CNBD1: variants seen among roughly 807,000 people sequenced by gnomAD.
CNBD1 encodes cyclic nucleotide binding domain containing 1.
A neutral mutation model predicts 54.4 loss-of-function variants in CNBD1; 71 were observed. The ratio of observed to expected loss-of-function variants is 1.30; its 90% CI spans 1.08 to 1.59. The LOEUF (loss-of-function observed/expected upper bound fraction) is 1.59. Ranked by LOEUF, CNBD1 falls within the 40% of genes most tolerant of loss-of-function variation. The probability of loss-of-function intolerance (pLI) is 0.00; values close to 1 mark genes in which losing one functional copy is unlikely to be tolerated. For synonymous variants in CNBD1, 182 were observed against 170.7 expected (o/e 1.07, Z -0.51); for missense variants, 659 against 518.0 (o/e 1.27, Z -2.64).
intron 2 of CNBD1, among the ~76,000 whole-genome samples, chr8:86,904,851 T>A (rs1284731797): frequency 6.6e-6 from 1 of 152,130 alleles, no homozygotes; most frequent in Non-Finnish European, 1.5e-5. Flanking sequence ...AAAATTAAAT[T>A]TTTGACATTG....
chr8:87,351,929 G>A (rs1156875815), intron 9 of CNBD1, 135 bp downstream of exon 9: 2 of 937,532 alleles, frequency 2.1e-6, no homozygotes, highest in South Asian at 3.0e-5. Flanking sequence ...TGAAATTTTT[G>A]TGTTTGTTTT....
chr8:87,361,755 A>C (rs1452373818), intron 10 of CNBD1, among the ~76,000 whole-genome samples: 2 of 151,110 alleles, frequency 1.3e-5, no homozygotes, highest in African/African-American at 2.4e-5. Context: ...GTCATCCCCC[A>C]AGAAACTACT....
chr8:87,301,237 C>A (rs1585994321), intron 8 of CNBD1, among the ~76,000 whole-genome samples: 2 of 152,150 alleles, frequency 1.3e-5, no homozygotes, highest in East Asian at 1.9e-4. Context: ...AGTCCAGGAC[C>A]AGATGGATTC....
At position 87,362,589 on chromosome 8, in the gene CNBD1, A is replaced by G. The variant is rs377353627; in HGVS notation, c.1303+8803A>G. On this transcript the variant is annotated intron_variant, in intron 10 of 10. Transcript: ENST00000518476. ...ACATTTGTGCCAAGCCAATAAAGTT[A>G]CATTCTACCAAAGATGGCCATTAAG... Among the ~76,000 whole-genome samples the G allele has an allele frequency of 9.9e-5, 15 of 152,190 alleles. No individual in the cohort carries two copies. The South Asian group carries it at 1.5e-3, about 15-fold the overall frequency.
chr8:87,084,009 A>G (rs894729306), intron 4 of CNBD1, among the ~76,000 whole-genome samples: 1 of 152,192 alleles, frequency 6.6e-6, no homozygotes, highest in Non-Finnish European at 1.5e-5. Flanking sequence ...GGGCTATGTC[A>G]TGGCCCATGG....
rs762295425 is a variant in CNBD1 at position 87,228,460 on chromosome 8, C to G, written c.578-8459C>G. Among the ~76,000 whole-genome samples the G allele has an allele frequency of 6.9e-3, 1,020 of 147,362 alleles. 8 individuals are homozygous for G. The highest frequency in any genetic ancestry group is 6.9e-3 in the Non-Finnish European group (468 of 67,862). On this transcript the variant is annotated intron_variant, in intron 5 of 10. Coordinates refer to ENST00000518476, the MANE Select transcript of CNBD1 (RefSeq NM_173538.3). ...CTGTTTGTTAGTTTTCCTTCTAACA[C>G]ACAGGACCCTCAGCTGCAGGTCTGT...
intron 4 of CNBD1, among the ~76,000 whole-genome samples, chr8:87,153,719 G>A (rs113501207): frequency 3.9e-5 from 6 of 152,326 alleles, no homozygotes; most frequent in African/African-American, 1.4e-4. Flanking sequence ...GTGCAATGGA[G>A]ATACATGAGT....
chr8:87,101,499 G>A (rs1166323693), intron 4 of CNBD1, among the ~76,000 whole-genome samples: 1 of 151,858 alleles, frequency 6.6e-6, no homozygotes, highest in East Asian at 1.9e-4. Flanking sequence ...GAAAATACAT[G>A]AAGAAAAACT....
At chr8:87,273,363 C>T (rs1808407347) in intron 6 of CNBD1, among the ~76,000 whole-genome samples, 1 of 145,994 alleles carries the variant, frequency 6.8e-6, no homozygotes, top group Non-Finnish European at 1.5e-5. Flanking sequence ...AAGAAACGTT[C>T]TGCCTCTTTA....
intron 8 of CNBD1, among the ~76,000 whole-genome samples, chr8:87,322,404 GT>G (rs1563551751): frequency 8.4e-6 from 1 of 119,558 alleles, no homozygotes; most frequent in African/African-American, 3.2e-5. Flanking sequence ...GGTTGAACTA[GT>G]TTACAGTCCC....
downstream of CNBD1, among the ~76,000 whole-genome samples, chr8:87,386,920 T>A (rs1473954022): frequency 6.6e-6 from 1 of 152,118 alleles, no homozygotes; most frequent in African/African-American, 2.4e-5. Context: ...CAGCAGAAAC[T>A]CTGCAAGCCA....
intron 8 of CNBD1, among the ~76,000 whole-genome samples, chr8:87,326,107 T>C (rs1251128371): frequency 1.5e-5 from 2 of 132,880 alleles, no homozygotes; most frequent in Non-Finnish European, 3.3e-5. Context: ...AAAATTCTTT[T>C]CTTTAAGAAT....
chr8:87,370,614 A>C (rs1488332925), intron 10 of CNBD1, among the ~76,000 whole-genome samples: 1 of 151,872 alleles, frequency 6.6e-6, no homozygotes, highest in African/African-American at 2.4e-5. Flanking sequence ...TTCATTGTAG[A>C]TTCTGGATAT....
At chr8:87,177,242 G>C (rs934756969) in intron 4 of CNBD1, among the ~76,000 whole-genome samples, 5 of 152,134 alleles carry the variant, frequency 3.3e-5, no homozygotes, top group African/African-American at 1.2e-4. Context: ...AATGTAAAAG[G>C]CAACCTTTAG....
At chr8:87,407,638 C>T (rs1436379743) in intron 2 of CNBD1, among the ~76,000 whole-genome samples, 1 of 152,022 alleles carries the variant, frequency 6.6e-6, no homozygotes, top group Non-Finnish European at 1.5e-5. Context: ...ATTCCTGTTG[C>T]TTTCAATCCT....
At chr8:87,079,370 A>T (rs931570431) in intron 4 of CNBD1, among the ~76,000 whole-genome samples, 3 of 152,126 alleles carry the variant, frequency 2.0e-5, no homozygotes, top group Non-Finnish European at 2.9e-5. Flanking sequence ...AGTAATTTTT[A>T]TAAATATTTT....
chr8:87,194,217 T>C (rs536603262), intron 4 of CNBD1, among the ~76,000 whole-genome samples: 1 of 152,274 alleles, frequency 6.6e-6, no homozygotes, highest in South Asian at 2.1e-4. Flanking sequence ...AATGGCCTAG[T>C]GTACAGTTCT....
intron 2 of CNBD1, among the ~76,000 whole-genome samples, chr8:87,417,475 TA>T (rs1178743062): frequency 1.3e-5 from 2 of 151,966 alleles, no homozygotes; most frequent in Non-Finnish European, 2.9e-5. Flanking sequence ...CTCAACCTGG[TA>T]AAAATCACCC....
intron 4 of CNBD1, among the ~76,000 whole-genome samples, chr8:87,080,999 A>G (rs1374252723): frequency 5.4e-5 from 8 of 149,230 alleles, no homozygotes; most frequent in Admixed American, 4.0e-4. Flanking sequence ...TTGCTTTCAT[A>G]TATTTTCTCT....
Sources: gnomAD v4.1 joint callset for allele counts (sites outside exome capture counted in the v4.1 genomes callset) on GRCh38, gnomAD v4.1.1 for gene constraint, MANE v1.5 for transcripts, NCBI Gene and HGNC (gene_info 2026-07-23, HGNC 2026-07-21) for gene names.